Variants in LRRTM4 observed in about 807,000 individuals in gnomAD.
LRRTM4 encodes leucine rich repeat transmembrane neuronal 4.
Under a neutral mutation model 47.6 loss-of-function variants are expected in LRRTM4, and 25 were observed. The ratio of observed to expected loss-of-function variants is 0.53; its 90% CI spans 0.38 to 0.73. The LOEUF (loss-of-function observed/expected upper bound fraction) is 0.73, where lower values mean the gene tolerates loss of function less well. LRRTM4 is among the 30% of genes least tolerant of loss of function. The probability of loss-of-function intolerance (pLI) is 0.00; values close to 1 mark genes in which losing one functional copy is unlikely to be tolerated. For synonymous variants in LRRTM4, 311 were observed against 269.5 expected, an observed-to-expected ratio of 1.15 and a Z score of -1.51; for missense variants, 638 against 713.4, an observed-to-expected ratio of 0.89 and a Z score of 1.20.
intron 3 of LRRTM4, among the ~76,000 whole-genome samples, chr2:76,906,534 C>T (rs201522062): frequency 1.2e-4 from 18 of 152,104 alleles, no homozygotes; most frequent in East Asian, 5.8e-4. Context: ...ATGCTCCAAT[C>T]AAAAGACACA....
At chr2:77,477,273 A>C (rs1307639222) in intron 3 of LRRTM4, among the ~76,000 whole-genome samples, 4 of 152,146 alleles carry the variant, frequency 2.6e-5, no homozygotes, top group Non-Finnish European at 5.9e-5. Flanking sequence ...TATCTGAAAA[A>C]TTCTGAGTGA....
At position 77,342,344 on chromosome 2, in the gene LRRTM4, T is replaced by C. The variant is rs182772082; in HGVS notation, c.1551+175974A>G. Among the ~76,000 whole-genome samples, 8 of 152,022 alleles carry C rather than the reference T, an allele frequency of 5.3e-5. No individual in the cohort carries two copies. In the East Asian group the frequency reaches 1.5e-3, roughly 29 times the overall value. On this transcript the variant is annotated intron_variant, in intron 3 of 3. Transcript: ENST00000409884. ...GTGCAGGTCAGGAATTTTTATTCAT[T>C]ACTAGTGAGTAGAGGCCAGGAATAT...
In LRRTM4 at chr2:76,876,980, C is replaced by A. The variant is rs549224670; in HGVS notation, c.1552-128064G>T. The stretch of plus-strand genomic sequence containing the variant: ...TCCAAATTTTAAAATATTAGTGATA[C>A]ACAGTTTGCACACTAGAGAGTATAC... On this transcript the variant is annotated intron_variant, in intron 3 of 3. Transcript: ENST00000409884. Among the ~76,000 whole-genome samples the A allele has an allele frequency of 4.6e-5, 7 of 152,004 alleles. No individual in the cohort carries two copies. The South Asian group carries it at 1.5e-3, about 32-fold the overall frequency.
intron 3 of LRRTM4, among the ~76,000 whole-genome samples, chr2:77,042,241 G>A (rs997089903): frequency 7.3e-5 from 11 of 151,070 alleles, no homozygotes; most frequent in Non-Finnish European, 1.3e-4. Context: ...AGGGGTAAGT[G>A]GACATTATTT....
At chr2:77,336,001 G>T (rs550632251) in intron 3 of LRRTM4, among the ~76,000 whole-genome samples, 1 of 152,136 alleles carries the variant, frequency 6.6e-6, no homozygotes, top group Non-Finnish European at 1.5e-5. Context: ...AAAGAAATAG[G>T]CAGTGGGCTG....
At chr2:76,956,541 A>G (rs1675680541) in intron 3 of LRRTM4, among the ~76,000 whole-genome samples, 1 of 151,456 alleles carries the variant, frequency 6.6e-6, no homozygotes, top group Non-Finnish European at 1.5e-5. Flanking sequence ...CTAACTTTAT[A>G]CCTCAAAGAA....
intron 3 of LRRTM4, among the ~76,000 whole-genome samples, chr2:76,850,089 T>G (rs1166722318): frequency 2.6e-5 from 4 of 152,170 alleles, no homozygotes; most frequent in African/African-American, 9.6e-5. Flanking sequence ...ATTTTAGACC[T>G]TTCTCAAATG....
At chr2:77,355,116 G>A (rs1390211353) in intron 3 of LRRTM4, among the ~76,000 whole-genome samples, 1 of 152,098 alleles carries the variant, frequency 6.6e-6, no homozygotes, top group Non-Finnish European at 1.5e-5. Context: ...CTAATAACTT[G>A]CCACTGATGT....
intron 3 of LRRTM4, among the ~76,000 whole-genome samples, chr2:76,864,637 G>T (rs1352975391): frequency 1.3e-5 from 2 of 148,988 alleles, no homozygotes; most frequent in African/African-American, 5.0e-5. Context: ...TCCAGCCTGG[G>T]CAACAAGAGT....
intron 3 of LRRTM4, among the ~76,000 whole-genome samples, chr2:77,108,393 A>T (rs1671155097): frequency 1.3e-5 from 2 of 152,074 alleles, no homozygotes; most frequent in South Asian, 4.1e-4. Context: ...CTACAATTTT[A>T]TGATAATACA....
At chr2:77,148,012 T>G (rs1361252409) in intron 3 of LRRTM4, among the ~76,000 whole-genome samples, 1 of 152,180 alleles carries the variant, frequency 6.6e-6, no homozygotes, top group South Asian at 2.1e-4. Context: ...TTTGCAAATC[T>G]TATTACTATG....
intron 3 of LRRTM4, among the ~76,000 whole-genome samples, chr2:77,076,051 C>T (rs1680328088): frequency 6.6e-6 from 1 of 151,126 alleles, no homozygotes; most frequent in Admixed American, 6.6e-5. Context: ...TCTCCTAGCA[C>T]TATGTTGGTC....
At chr2:77,015,269 A>T (rs2104081907) in intron 3 of LRRTM4, among the ~76,000 whole-genome samples, 1 of 152,250 alleles carries the variant, frequency 6.6e-6, no homozygotes, top group South Asian at 2.1e-4. Context: ...TAAATCCCTT[A>T]GTATATATTT....
intron 3 of LRRTM4, among the ~76,000 whole-genome samples, chr2:77,234,351 G>A (rs1017371085): frequency 6.6e-6 from 1 of 152,120 alleles, no homozygotes; most frequent in Non-Finnish European, 1.5e-5. Context: ...TTGGAAAAGA[G>A]ATTTCTCTCC....
At chr2:76,969,963 T>TA (rs764278823) in intron 3 of LRRTM4, among the ~76,000 whole-genome samples, 1 of 152,014 alleles carries the variant, frequency 6.6e-6, no homozygotes, top group Non-Finnish European at 1.5e-5. Flanking sequence ...CTGGGACTTC[T>TA]GACAACTTTC....
chr2:77,189,481 T>G (rs1422422825), intron 3 of LRRTM4, among the ~76,000 whole-genome samples: 1 of 152,130 alleles, frequency 6.6e-6, no homozygotes, highest in Non-Finnish European at 1.5e-5. Context: ...ATTAATTAAG[T>G]CATAAGGATG....
chr2:76,889,153 A>G (rs367551719), intron 3 of LRRTM4, among the ~76,000 whole-genome samples: 6 of 151,976 alleles, frequency 3.9e-5, no homozygotes, highest in African/African-American at 1.2e-4. Flanking sequence ...AAAAGATTTG[A>G]TTTTGCACTT....
At chr2:76,864,974 G>A (rs1573229088) in intron 3 of LRRTM4, among the ~76,000 whole-genome samples, 1 of 150,872 alleles carries the variant, frequency 6.6e-6, no homozygotes, top group South Asian at 2.1e-4. Flanking sequence ...TGGCTCAAGC[G>A]ATTCTTCTGC....
intron 3 of LRRTM4, among the ~76,000 whole-genome samples, chr2:76,941,251 A>G (rs1675132994): frequency 6.6e-6 from 1 of 152,208 alleles, no homozygotes; most frequent in Admixed American, 6.5e-5. Flanking sequence ...TATTTTATAT[A>G]TTGAGTCATA....
Sources: gnomAD v4.1 joint callset for allele counts (sites outside exome capture counted in the v4.1 genomes callset) on GRCh38, gnomAD v4.1.1 for gene constraint, MANE v1.5 for transcripts, NCBI Gene and HGNC (gene_info 2026-07-23, HGNC 2026-07-21) for gene names.